Variants in KCNJ3 observed in about 807,000 individuals in gnomAD.
KCNJ3 encodes G protein-activated inward rectifier potassium channel 1.
A neutral mutation model predicts 39.2 loss-of-function variants in KCNJ3; 4 were observed. That is an observed-to-expected ratio of 0.10 (90% confidence interval 0.05 to 0.23). The LOEUF is 0.23. Among genes scored for constraint, KCNJ3 ranks in the 10% least tolerant of loss-of-function variants. The pLI, the probability that KCNJ3 is intolerant of heterozygous loss-of-function variation, is 1.00. For missense variants in KCNJ3, 276 were observed against 634.9 expected, an observed-to-expected ratio of 0.43 and a Z score of 6.08; for synonymous variants, 230 against 237.4, an observed-to-expected ratio of 0.97 and a Z score of 0.29.
At chr2:154,813,473 C>T (rs1322209457) in intron 2 of KCNJ3, among the ~76,000 whole-genome samples, 2 of 152,070 alleles carry the variant, frequency 1.3e-5, no homozygotes, top group Non-Finnish European at 2.9e-5. Flanking sequence ...GAAATTACTT[C>T]TATTAGAATC....
At chr2:154,725,051 T>C (rs1487151062) in intron 2 of KCNJ3, among the ~76,000 whole-genome samples, 2 of 150,964 alleles carry the variant, frequency 1.3e-5, no homozygotes, top group Non-Finnish European at 3.0e-5. Flanking sequence ...TAATGGTACA[T>C]GTTTCAAAAA....
rs374671234 is a variant in KCNJ3 at position 154,708,520 on chromosome 2, A to T, written c.703-1083A>T. On this transcript the variant is annotated intron_variant, in intron 1 of 2. Transcript: ENST00000295101. The stretch of plus-strand genomic sequence containing the variant: ...GAATCTGTTAGAATACAATGGATTC[A>T]TCAGTCCTATTTGACCAGCAGTATG... Among the ~76,000 whole-genome samples the T allele has an allele frequency of 1.1e-3, 160 of 152,288 alleles. 1 individual carries two copies. The highest frequency in any genetic ancestry group is 3.8e-3 in the African/African-American group (158 of 41,576).
At chr2:154,747,545 G>A (rs1249335198) in intron 2 of KCNJ3, among the ~76,000 whole-genome samples, 1 of 151,912 alleles carries the variant, frequency 6.6e-6, no homozygotes, top group Non-Finnish European at 1.5e-5. Context: ...GGCAGGGGTG[G>A]GGAATAGCCT....
chr2:154,756,533 CT>C (rs945410927), intron 2 of KCNJ3, among the ~76,000 whole-genome samples: 1 of 151,754 alleles, frequency 6.6e-6, no homozygotes, highest in African/African-American at 2.4e-5. Flanking sequence ...CCCCCACCCC[CT>C]GACAGGCCCT....
At chr2:154,801,251 G>C (rs2652447) in intron 2 of KCNJ3, among the ~76,000 whole-genome samples, 81,622 of 152,020 alleles carry the variant, frequency 0.54, 22,284 homozygotes, top group Middle Eastern at 0.61. Flanking sequence ...TGAGTGAATG[G>C]AGGTTAATAT....
At chr2:154,844,846 TC>T (rs2105133425) in intron 2 of KCNJ3, among the ~76,000 whole-genome samples, 2 of 152,270 alleles carry the variant, frequency 1.3e-5, no homozygotes, top group Non-Finnish European at 2.9e-5. Flanking sequence ...TTCCAGGTAG[TC>T]TGCCATGGCT....
intron 2 of KCNJ3, among the ~76,000 whole-genome samples, chr2:154,799,420 A>G (rs1306465212): frequency 6.6e-6 from 1 of 152,184 alleles, no homozygotes; most frequent in Non-Finnish European, 1.5e-5. Context: ...CACTGTGTCC[A>G]GCCACAAGAG....
At chr2:154,729,954 C>T (rs556273254) in intron 2 of KCNJ3, among the ~76,000 whole-genome samples, 20 of 152,056 alleles carry the variant, frequency 1.3e-4, no homozygotes, top group South Asian at 8.3e-4. Context: ...TCCATTTGCT[C>T]GAAGACTTCA....
chr2:154,800,681 C>T (rs968857440), intron 2 of KCNJ3, among the ~76,000 whole-genome samples: 1 of 152,070 alleles, frequency 6.6e-6, no homozygotes, highest in African/African-American at 2.4e-5. Flanking sequence ...TTGTCTTTTC[C>T]TTATGGCTCA....
At chr2:154,771,655 C>T (rs1436348196) in intron 2 of KCNJ3, among the ~76,000 whole-genome samples, 1 of 152,096 alleles carries the variant, frequency 6.6e-6, no homozygotes, top group Non-Finnish European at 1.5e-5. Flanking sequence ...AATTGTGTTC[C>T]ATTACAGTTG....
intron 2 of KCNJ3, among the ~76,000 whole-genome samples, chr2:154,723,609 T>A (rs573643988): frequency 5.1e-5 from 7 of 138,436 alleles, no homozygotes; most frequent in African/African-American, 1.8e-4. Context: ...TTTCTCATTT[T>A]ATTATGTTTT....
chr2:154,854,578 G>A (rs1203964304), intron 2 of KCNJ3, 149 bp from the exon 3 acceptor site: 1 of 567,862 alleles, frequency 1.8e-6, no homozygotes, highest in Non-Finnish European at 3.1e-6. Flanking sequence ...TTAACTTAGA[G>A]TACAACTTTT....
chr2:154,811,032 G>A (rs984492736), intron 2 of KCNJ3, among the ~76,000 whole-genome samples: 4 of 152,332 alleles, frequency 2.6e-5, no homozygotes, highest in Admixed American at 1.3e-4. Context: ...GACTAGGTTT[G>A]TTCCTGTGTG....
In KCNJ3 at chr2:154,736,000, A is replaced by G. The variant is rs562408913; in HGVS notation, c.919+26181A>G. On this transcript the variant is annotated intron_variant, in intron 2 of 2. Coordinates refer to ENST00000295101, the MANE Select transcript of KCNJ3 (RefSeq NM_002239.4). ...TAAGTTCCATTTTTAGTTTTAAGTT[A>G]TAATTTCTACTGCTAAGGAGAGACT... Among the ~76,000 whole-genome samples the G allele has an allele frequency of 2.6e-5, 4 of 152,292 alleles. No individual in the cohort carries two copies. The East Asian group carries it at 7.7e-4, about 29-fold the overall frequency.
At chr2:154,782,872 T>C (rs1686462992) in intron 2 of KCNJ3, among the ~76,000 whole-genome samples, 1 of 152,084 alleles carries the variant, frequency 6.6e-6, no homozygotes, top group East Asian at 1.9e-4. Flanking sequence ...GCTCTGAATT[T>C]AAATCCTAAA....
At chr2:154,829,452 A>C (rs1687325330) in intron 2 of KCNJ3, among the ~76,000 whole-genome samples, 1 of 152,194 alleles carries the variant, frequency 6.6e-6, no homozygotes, top group African/African-American at 2.4e-5. Flanking sequence ...GCTGCAAAGA[A>C]CACGACCTTG....
chr2:154,728,317 G>C (rs1040731819), intron 2 of KCNJ3, among the ~76,000 whole-genome samples: 1 of 152,120 alleles, frequency 6.6e-6, no homozygotes, highest in Non-Finnish European at 1.5e-5. Context: ...CTACTTGCTT[G>C]TTGGATGCTT....
intron 2 of KCNJ3, among the ~76,000 whole-genome samples, chr2:154,851,631 C>A (rs1006606913): frequency 6.6e-6 from 1 of 152,060 alleles, no homozygotes; most frequent in Non-Finnish European, 1.5e-5. Context: ...TCAGATGTTG[C>A]CTCACTTATG....
intron 2 of KCNJ3, among the ~76,000 whole-genome samples, chr2:154,803,034 A>G (rs1290859988): frequency 6.6e-6 from 1 of 152,112 alleles, no homozygotes; most frequent in African/African-American, 2.4e-5. Flanking sequence ...GATGAAAAGA[A>G]AAGAGATTAA....
Sources: allele counts gnomAD v4.1 joint callset (sites outside exome capture counted in the v4.1 genomes callset), GRCh38; gene constraint gnomAD v4.1.1; transcripts MANE v1.5; gene names NCBI Gene and HGNC (gene_info 2026-07-23, HGNC 2026-07-21).